The following HS3ST4 variants were observed in gnomAD, a reference collection of about 807,000 sequenced individuals.
HS3ST4 encodes heparan sulfate glucosamine 3-O-sulfotransferase 4.
A neutral mutation model predicts 29.2 loss-of-function variants in HS3ST4; 17 were observed. The ratio of observed to expected loss-of-function variants is 0.58; its 90% confidence interval spans 0.40 to 0.87. The LOEUF (loss-of-function observed/expected upper bound fraction) is 0.87. Ranked by LOEUF, HS3ST4 falls within the 40% of genes least tolerant of loss-of-function variation. HS3ST4 has a pLI of 0.00. For synonymous variants in HS3ST4, 314 were observed against 285.7 expected, an observed-to-expected ratio of 1.10 and a Z score of -1.00; for missense variants, 627 against 634.5, an observed-to-expected ratio of 0.99 and a Z score of 0.13.
intron 1 of HS3ST4, among the ~76,000 whole-genome samples, chr16:25,961,050 T>G (rs942979981): frequency 1.3e-5 from 2 of 152,232 alleles, no homozygotes; most frequent in African/African-American, 4.8e-5. Context: ...TTACATAGAC[T>G]GGCATGTTCT....
At chr16:25,862,895 A>G (rs1231332738) in intron 1 of HS3ST4, among the ~76,000 whole-genome samples, 1 of 151,988 alleles carries the variant, frequency 6.6e-6, no homozygotes, top group Admixed American at 6.6e-5. Flanking sequence ...AGCCCCACCC[A>G]CTGTGTCTGA....
intron 1 of HS3ST4, among the ~76,000 whole-genome samples, chr16:25,841,706 G>A (rs534653446): frequency 9.9e-5 from 15 of 152,066 alleles, no homozygotes; most frequent in Non-Finnish European, 1.9e-4. Context: ...TCACCTTCCC[G>A]AGTAGGTCTC....
intron 1 of HS3ST4, among the ~76,000 whole-genome samples, chr16:25,917,180 G>A (rs7193247): frequency 0.32 from 48,785 of 151,986 alleles, 9,390 homozygotes; most frequent in African/African-American, 0.53. Flanking sequence ...GGCTTAATAA[G>A]TATTCATTCT....
chr16:25,792,042 A>G (rs1473116181), intron 1 of HS3ST4, among the ~76,000 whole-genome samples: 1 of 152,002 alleles, frequency 6.6e-6, no homozygotes, highest in African/African-American at 2.4e-5. Context: ...CATTTCATAA[A>G]CAATTTGCTT....
chr16:25,875,395 C>T (rs997431219), intron 1 of HS3ST4, among the ~76,000 whole-genome samples: 1 of 152,120 alleles, frequency 6.6e-6, no homozygotes, highest in African/African-American at 2.4e-5. Context: ...TCCATGTGCT[C>T]ATGTGGCTGG....
At chr16:25,844,046 C>A (rs367719845) in intron 1 of HS3ST4, among the ~76,000 whole-genome samples, 7 of 152,004 alleles carry the variant, frequency 4.6e-5, no homozygotes, top group Admixed American at 2.0e-4. Context: ...GTACTAATTT[C>A]TAACTGCTGA....
chr16:25,922,672 A>G (rs943004948), intron 1 of HS3ST4, among the ~76,000 whole-genome samples: 2 of 152,234 alleles, frequency 1.3e-5, no homozygotes, highest in African/African-American at 4.8e-5. Context: ...CCTTGCAGAG[A>G]TAACAGCTGT....
chr16:26,057,242 C>T (rs949981324), intron 1 of HS3ST4, among the ~76,000 whole-genome samples: 1 of 152,178 alleles, frequency 6.6e-6, no homozygotes, highest in Non-Finnish European at 1.5e-5. Context: ...AAAACTAAGG[C>T]TCAGGGAGGT....
At chr16:26,101,224 C>T (rs903653361) in intron 1 of HS3ST4, among the ~76,000 whole-genome samples, 1 of 152,224 alleles carries the variant, frequency 6.6e-6, no homozygotes, top group Non-Finnish European at 1.5e-5. Context: ...ATCCATTTCA[C>T]CCAGAGGAGC....
chr16:25,910,612 A>G (rs1167746042), intron 1 of HS3ST4, among the ~76,000 whole-genome samples: 1 of 150,756 alleles, frequency 6.6e-6, no homozygotes, highest in Non-Finnish European at 1.5e-5. Context: ...TATTGTACCC[A>G]CTCCAGCTTG....
chr16:26,116,079 A>G (rs913671301), intron 1 of HS3ST4, among the ~76,000 whole-genome samples: 10 of 152,194 alleles, frequency 6.6e-5, no homozygotes, highest in African/African-American at 2.2e-4. Flanking sequence ...GCCAGGGCCA[A>G]CATCTCATCT....
intron 1 of HS3ST4, among the ~76,000 whole-genome samples, chr16:25,792,871 G>C (rs1049481551): frequency 7.3e-5 from 11 of 151,648 alleles, no homozygotes; most frequent in African/African-American, 2.7e-4. Context: ...AAATTTTTGA[G>C]CTAGACAATT....
At chr16:26,053,941 C>G (rs1023538309) in intron 1 of HS3ST4, among the ~76,000 whole-genome samples, 2 of 144,770 alleles carry the variant, frequency 1.4e-5, no homozygotes, top group Non-Finnish European at 3.1e-5. Flanking sequence ...CAGAGGCATT[C>G]AGGGATCTAC....
chr16:25,693,200 G>A, intron 1 of HS3ST4, 49 bp downstream of exon 1: 1 of 1,491,926 alleles, frequency 6.7e-7, no homozygotes. Flanking sequence ...GGGGAGACGC[G>A]GAGGGGAAGC....
At chr16:25,908,919 A>G (rs1233130946) in intron 1 of HS3ST4, among the ~76,000 whole-genome samples, 3 of 152,228 alleles carry the variant, frequency 2.0e-5, no homozygotes, top group African/African-American at 7.2e-5. Flanking sequence ...ACAGAAGTCC[A>G]TTTGGACAAT....
chr16:25,793,646 T>G (rs1372472890), intron 1 of HS3ST4, among the ~76,000 whole-genome samples: 1 of 152,004 alleles, frequency 6.6e-6, no homozygotes, highest in African/African-American at 2.4e-5. Context: ...CCCAGTCCCT[T>G]ACTGTCAACC....
intron 1 of HS3ST4, among the ~76,000 whole-genome samples, chr16:26,067,171 T>C (rs1309186735): frequency 1.3e-5 from 2 of 152,116 alleles, no homozygotes; most frequent in Non-Finnish European, 2.9e-5. Flanking sequence ...CAAATTGCAA[T>C]TGAAATAAAA....
intron 1 of HS3ST4, among the ~76,000 whole-genome samples, chr16:26,047,941 T>C (rs942588830): frequency 2.0e-5 from 3 of 152,188 alleles, no homozygotes; most frequent in Non-Finnish European, 4.4e-5. Context: ...CTCAGAGCAA[T>C]GCTTGAGGAG....
Position 25,852,040 on chromosome 16 carries a change from A to C in HS3ST4, c.734+158889A>C, listed in dbSNP as rs1967527236. Among the ~76,000 whole-genome samples, 5 of 152,142 alleles carry C rather than the reference A, an allele frequency of 3.3e-5. No individual in the cohort carries two copies. The South Asian group carries it at 1.0e-3, about 32-fold the overall frequency. ...TATAGATGAGAAAGGTGACATATAG[A>C]GGAAGTAAAGGACCCATCCAAAACT... On this transcript the variant is annotated intron_variant, in intron 1 of 1. Coordinates refer to ENST00000331351, the MANE Select transcript of HS3ST4 (RefSeq NM_006040.3).
Sources: gnomAD v4.1 joint callset for allele counts (sites outside exome capture counted in the v4.1 genomes callset) on GRCh38, gnomAD v4.1.1 for gene constraint, MANE v1.5 for transcripts, NCBI Gene and HGNC (gene_info 2026-07-23, HGNC 2026-07-21) for gene names.